Variants in SVOPL observed in about 807,000 individuals in gnomAD.
The protein encoded by SVOPL is putative transporter SVOPL.
Under a neutral mutation model 61.0 loss-of-function variants are expected in SVOPL, and 60 were observed. The ratio of observed to expected loss-of-function variants is 0.98; its 90% CI spans 0.80 to 1.22. The LOEUF (loss-of-function observed/expected upper bound fraction) is 1.22, where lower values mean the gene tolerates loss of function less well. SVOPL is among the 50% of genes most tolerant of loss of function. SVOPL has a pLI of 0.00. For synonymous variants in SVOPL, 279 were observed against 250.0 expected, an observed-to-expected ratio of 1.12 and a Z score of -1.09; for missense variants, 662 against 643.9, an observed-to-expected ratio of 1.03 and a Z score of -0.30.
At chr7:138,678,673 C>A (rs1802632597) in intron 2 of SVOPL, 148 bp from the exon 3 acceptor site, 2 of 738,096 alleles carry the variant, frequency 2.7e-6, no homozygotes, top group Non-Finnish European at 4.4e-6. Context: ...CTGGTCCAAG[C>A]AATTCTCCTC....
rs796535978 is a variant in SVOPL at position 138,599,153 on chromosome 7, A to C, written c.1354-2623T>G. 8.5e-3 allele frequency among the ~76,000 whole-genome samples: 521 copies of C among 61,334 alleles called. 19 individuals are homozygous for C. Among genetic ancestry groups the C allele is most frequent in the African/African-American group, 0.073 (484 of 6,654 alleles). 40.2% of individuals were successfully genotyped at this position (61,334 alleles called of 152,430 possible). The stretch of plus-strand genomic sequence containing the variant: ...TGAGATCCGTCTCCAAAAAAAAAAA[A>C]AAAACCAAAAAAAAAAGAAATACAG... On this transcript the variant is annotated intron_variant, in intron 14 of 15. Transcript: ENST00000674285.
intron 4 of SVOPL, among the ~76,000 whole-genome samples, chr7:138,670,482 C>CCAGA (rs890795118): frequency 3.9e-5 from 6 of 152,072 alleles, no homozygotes; most frequent in Non-Finnish European, 8.8e-5. Context: ...ATGACTCCAC[C>CCAGA]CAGACCCATG....
intron 1 of SVOPL, among the ~76,000 whole-genome samples, chr7:138,694,895 C>T (rs1359019687): frequency 1.3e-5 from 2 of 151,926 alleles, no homozygotes; most frequent in South Asian, 4.2e-4. Flanking sequence ...TGCGCCACCA[C>T]ACCCAGCTAA....
intron 10 of SVOPL, among the ~76,000 whole-genome samples, chr7:138,629,726 T>A (rs1800085163): frequency 6.6e-6 from 1 of 152,162 alleles, no homozygotes; most frequent in South Asian, 2.1e-4. Context: ...GACTCGATGA[T>A]TGGTGACTTC....
intron 8 of SVOPL, among the ~76,000 whole-genome samples, chr7:138,646,707 TG>T (rs979995252): frequency 6.6e-6 from 1 of 152,080 alleles, no homozygotes; most frequent in East Asian, 1.9e-4. Context: ...TTAATAGAGA[TG>T]GGGTTCTGCC....
chr7:138,687,723 A>C (rs2117135270), intron 1 of SVOPL, among the ~76,000 whole-genome samples: 1 of 151,266 alleles, frequency 6.6e-6, no homozygotes, highest in Admixed American at 6.6e-5. Context: ...GGGAGAGAGT[A>C]TTTGCAAACC....
intron 9 of SVOPL, among the ~76,000 whole-genome samples, chr7:138,637,422 C>CAT (rs1800520005): frequency 1.0e-5 from 1 of 99,232 alleles, no homozygotes; most frequent in African/African-American, 3.3e-5. Flanking sequence ...AGCAAGACTC[C>CAT]ATCTCATATA....
At chr7:138,660,482 C>T (rs936518448) in intron 5 of SVOPL, 10 of 986,148 alleles carry the variant, frequency 1.0e-5, no homozygotes, top group Non-Finnish European at 1.1e-5. Flanking sequence ...ACTGTTTTAT[C>T]TTCTCTGTTT....
chr7:138,642,446 C>T (rs1191020801), intron 9 of SVOPL, among the ~76,000 whole-genome samples: 2 of 151,912 alleles, frequency 1.3e-5, no homozygotes, highest in African/African-American at 4.8e-5. Context: ...GGCACATTAT[C>T]GCATAGATTT....
intron 14 of SVOPL, 21 bp downstream of exon 14, chr7:138,621,025 C>T: frequency 6.2e-7 from 1 of 1,609,996 alleles, no homozygotes; most frequent in Non-Finnish European, 8.5e-7. Context: ...CTCTCTCTCC[C>T]TGCAGGGTCC....
Position 138,644,732 on chromosome 7 carries a change from C to T in SVOPL, c.774G>A (p.Leu258=), listed in dbSNP as rs1801007031. The T allele has an allele frequency of 6.2e-7, 1 of 1,614,118 alleles. No individual in the cohort carries two copies. The highest frequency in any genetic ancestry group is 2.2e-5 in the East Asian group (1 of 44,868). Residue 258 remains leucine, a synonymous_variant, in exon 9 of 16, where the codon CTG becomes CTA. Transcript: ENST00000674285. ...MNRSVMPEGK[L]VEPVLEKRGR... is the part of the protein sequence containing the mutation. ...CAGCACTCACCAGGACGGGCTCCACCAGCTTCCCCTCCGGCATGACCGAGC... is the reference window on the plus strand; with the variant it reads ...CAGCACTCACCAGGACGGGCTCCACTAGCTTCCCCTCCGGCATGACCGAGC...
rs533024362 is a variant in SVOPL at position 138,630,391 on chromosome 7, T to TA, written c.790-270_790-269insT. Among the ~76,000 whole-genome samples, 32 of 152,270 alleles carry TA rather than the reference T, an allele frequency of 2.1e-4. No individual in the cohort carries two copies. The South Asian group carries it at 6.4e-3, about 31-fold the overall frequency. On this transcript the variant is annotated intron_variant, in intron 9 of 15. Transcript: ENST00000674285. ...TAAGATCCTAACCTTTTGCTCTTCC[T>TA]CTGCCCACCAGCACTGGCGCGGGGG...
intron 7 of SVOPL, 142 bp from the exon 8 acceptor site, chr7:138,649,279 G>A (rs1801303218): frequency 6.8e-6 from 8 of 1,184,268 alleles, no homozygotes; most frequent in Non-Finnish European, 9.1e-6. Flanking sequence ...GAGCCACTTT[G>A]TCCAGCATTT....
Position 138,672,052 on chromosome 7 carries a change from T to C in SVOPL, c.240A>G (p.Gln80=), listed in dbSNP as rs892657586. The change falls in exon 4 of 16, where the codon CAA becomes CAG. Residue 80 remains glutamine, a synonymous_variant. Transcript: ENST00000674285. The part of the protein sequence containing the change: ...VVSPVIRCEW[Q]LENWQVALVT... ...CTAATGCCACCTGCCAATTCTCCAG[T>C]TGCCATTCACAGCGGATGACAGGAG... The C allele has an allele frequency of 6.4e-7, 1 of 1,551,668 alleles. No individual in the cohort carries two copies. The highest frequency in any genetic ancestry group is 8.7e-7 in the Non-Finnish European group (1 of 1,146,992).
At chr7:138,653,946 AAAGAAAAG>A (rs1253545332) in intron 7 of SVOPL, among the ~76,000 whole-genome samples, 106 of 145,846 alleles carry the variant, frequency 7.3e-4, no homozygotes, top group African/African-American at 2.6e-3. Flanking sequence ...AAAAAAAAAA[AAAGAAAAG>A]AAAAGAAAAG....
intron 4 of SVOPL, among the ~76,000 whole-genome samples, chr7:138,666,516 G>T (rs960232915): frequency 6.6e-6 from 1 of 152,122 alleles, no homozygotes; most frequent in Admixed American, 6.6e-5. Flanking sequence ...AAGGGTTCAG[G>T]GTCTGGCAGA....
At chr7:138,616,029 C>T (rs1442759914) in intron 14 of SVOPL, among the ~76,000 whole-genome samples, 4 of 151,996 alleles carry the variant, frequency 2.6e-5, no homozygotes, top group Admixed American at 1.3e-4. Context: ...AAAACTCTTT[C>T]CCCTCTTTCT....
At chr7:138,604,677 C>CAA (rs5887890) in intron 14 of SVOPL, among the ~76,000 whole-genome samples, 1,970 of 58,178 alleles carry the variant, frequency 0.034, 78 homozygotes, top group African/African-American at 0.077. Context: ...AACTTTATCT[C>CAA]AAAAAAAAAA....
At chr7:138,697,986 G>A (rs993263633) in intron 1 of SVOPL, among the ~76,000 whole-genome samples, 1 of 151,020 alleles carries the variant, frequency 6.6e-6, no homozygotes, top group African/African-American at 2.4e-5. Flanking sequence ...AAGGAAGAAA[G>A]GACAGAGGAA....
Sources: allele counts gnomAD v4.1 joint callset (sites outside exome capture counted in the v4.1 genomes callset), GRCh38; gene constraint gnomAD v4.1.1; transcripts MANE v1.5; gene names NCBI Gene and HGNC (gene_info 2026-07-23, HGNC 2026-07-21).